The following HECA variants were observed in gnomAD, a reference collection of about 807,000 sequenced individuals.
HECA encodes headcase protein homolog.
In HECA, 13 loss-of-function variants were observed where a neutral mutation model predicts 37.6. The ratio of observed to expected loss-of-function variants is 0.35; its 90% CI spans 0.23 to 0.55. The LOEUF is 0.55. HECA is among the 20% of genes least tolerant of loss of function. The pLI is 0.90. For missense variants in HECA, 527 were observed against 701.9 expected (o/e 0.75, Z 2.82); for synonymous variants, 307 against 291.5 (o/e 1.05, Z -0.54).
At chr6:139,162,369 C>T (rs1421150464) in intron 1 of HECA, among the ~76,000 whole-genome samples, 1 of 152,068 alleles carries the variant, frequency 6.6e-6, no homozygotes. Context: ...TTTTTCATTT[C>T]ATTCTTCTGA....
chr6:139,165,251 T>TA (rs905829563), intron 1 of HECA, among the ~76,000 whole-genome samples: 1 of 152,162 alleles, frequency 6.6e-6, no homozygotes, highest in African/African-American at 2.4e-5. Flanking sequence ...TTTCTCATTT[T>TA]AAAAAAACAG....
intron 1 of HECA, among the ~76,000 whole-genome samples, chr6:139,141,895 G>T (rs544666100): frequency 1.9e-3 from 282 of 150,018 alleles, no homozygotes; most frequent in African/African-American, 6.8e-3. Context: ...TGGGACTACA[G>T]GCACATGCCA....
chr6:139,170,248 G>A (rs1774952694), intron 2 of HECA: 1 of 152,182 alleles, frequency 6.6e-6, no homozygotes, highest in South Asian at 2.1e-4. Context: ...ACAGATTATT[G>A]TCATGTAATC....
chr6:139,135,660 C>A lies in HECA; in HGVS notation c.264C>A (p.Ala88=). Reference sequence around the variant, plus strand: ...CGGGGGCTGCGGCCGCGGGCGATGCCAAAAACGGTAAGACGGGGCTGGCGG... The same window carrying A: ...CGGGGGCTGCGGCCGCGGGCGATGCAAAAAACGGTAAGACGGGGCTGGCGG... The part of the protein sequence containing the change: ...AAAGAAAAGD[A]KNEAPCATPL... Residue 88 remains alanine (A), a synonymous_variant, in exon 1 of 4, where the codon GCC becomes GCA. Coordinates refer to ENST00000367658, the MANE Select transcript of HECA (RefSeq NM_016217.3). 1.0e-6 allele frequency: 1 copy of A among 981,912 alleles called. No homozygotes were observed. Among genetic ancestry groups the A allele is most frequent in the Non-Finnish European group, 1.2e-6 (1 of 826,796 alleles). The allele number at this position is 981,912 out of a possible 1,614,324, so 60.8% of individuals were successfully genotyped here.
At chr6:139,162,552 T>A (rs1478055438) in intron 1 of HECA, among the ~76,000 whole-genome samples, 1 of 152,160 alleles carries the variant, frequency 6.6e-6, no homozygotes, top group Non-Finnish European at 1.5e-5. Flanking sequence ...AGTGGCTGAA[T>A]GGGATTTGGA....
Position 139,180,530 on chromosome 6 carries a change from G to T in HECA, c.*3425G>T, listed in dbSNP as rs1223801199. 1 of 152,588 alleles carries T rather than the reference G, an allele frequency of 6.6e-6. No individual in the cohort carries two copies. The highest frequency in any genetic ancestry group is 1.5e-5 in the Non-Finnish European group (1 of 68,032). The allele number at this position is 152,588 out of a possible 1,614,324, so 9.5% of individuals were successfully genotyped here. ...CTATAATAGGATGCTGCCTAACCCA[G>T]TTCATCTCTATGTCCTGTTCACTGA... On this transcript the variant is annotated 3_prime_UTR_variant, in exon 4 of 4. Coordinates refer to ENST00000367658, the MANE Select transcript of HECA (RefSeq NM_016217.3).
intron 1 of HECA, among the ~76,000 whole-genome samples, chr6:139,145,011 C>T (rs866036195): frequency 6.6e-6 from 1 of 152,128 alleles, no homozygotes; most frequent in African/African-American, 2.4e-5. Flanking sequence ...AGGGGCTTGT[C>T]CCTATGGTTT....
intron 1 of HECA, among the ~76,000 whole-genome samples, chr6:139,161,033 G>A (rs1003756401): frequency 6.6e-6 from 1 of 151,998 alleles, no homozygotes; most frequent in African/African-American, 2.4e-5. Context: ...TTTGGACAAT[G>A]TGTGTGTGTG....
chr6:139,141,281 T>G (rs533677932), intron 1 of HECA, among the ~76,000 whole-genome samples: 1 of 152,318 alleles, frequency 6.6e-6, no homozygotes, highest in Non-Finnish European at 1.5e-5. Context: ...ATTTTTTTTC[T>G]CACAAAACTT....
chr6:139,158,801 C>T (rs139819516), intron 1 of HECA, among the ~76,000 whole-genome samples: 89 of 152,270 alleles, frequency 5.8e-4, no homozygotes, highest in African/African-American at 2.1e-3. Context: ...GGGCCAGGCA[C>T]AGTGGCCCAT....
intron 1 of HECA, among the ~76,000 whole-genome samples, chr6:139,136,846 G>A (rs1046066045): frequency 6.6e-6 from 1 of 152,080 alleles, no homozygotes; most frequent in Non-Finnish European, 1.5e-5. Context: ...ATATTGGTCA[G>A]GCTGGTCTCG....
intron 1 of HECA, among the ~76,000 whole-genome samples, chr6:139,160,227 C>T (rs377736571): frequency 2.6e-5 from 4 of 152,158 alleles, no homozygotes; most frequent in African/African-American, 9.7e-5. Flanking sequence ...ACCTAAAATA[C>T]AGGCCTTGGA....
chr6:139,136,312 C>A (rs1267193686), intron 1 of HECA, among the ~76,000 whole-genome samples: 1 of 150,092 alleles, frequency 6.7e-6, no homozygotes, highest in Non-Finnish European at 1.5e-5. Flanking sequence ...AAAAATCATT[C>A]TCTATGTCAT....
At chr6:139,147,795 TC>T (rs1291271848) in intron 1 of HECA, among the ~76,000 whole-genome samples, 1 of 152,172 alleles carries the variant, frequency 6.6e-6, no homozygotes, top group Non-Finnish European at 1.5e-5. Flanking sequence ...AACTGGCACT[TC>T]CTGTTCTTAA....
chr6:139,147,169 T>C (rs1052158466), intron 1 of HECA, among the ~76,000 whole-genome samples: 1 of 152,092 alleles, frequency 6.6e-6, no homozygotes, highest in Non-Finnish European at 1.5e-5. Context: ...CCCCCATGCT[T>C]TATAGTTGGA....
chr6:139,171,215 G>C (rs1179718232), intron 2 of HECA, among the ~76,000 whole-genome samples: 1 of 151,872 alleles, frequency 6.6e-6, no homozygotes, highest in African/African-American at 2.4e-5. Context: ...AAGAGCTCTT[G>C]GATAGGAAGA....
intron 1 of HECA, among the ~76,000 whole-genome samples, chr6:139,147,263 G>A (rs993619036): frequency 1.3e-5 from 2 of 152,046 alleles, no homozygotes; most frequent in African/African-American, 4.8e-5. Flanking sequence ...TTAAAGGAGA[G>A]GACTGAAATT....
chr6:139,138,042 A>AC (rs34773047), intron 1 of HECA, among the ~76,000 whole-genome samples: 248 of 151,050 alleles, frequency 1.6e-3, no homozygotes, highest in African/African-American at 5.1e-3. Flanking sequence ...AATGTGAGGA[A>AC]CCCCCCCTCA....
chr6:139,151,292 A>T (rs1232310628), intron 1 of HECA: 1 of 152,214 alleles, frequency 6.6e-6, no homozygotes, highest in African/African-American at 2.4e-5. Context: ...AAAACAAAAG[A>T]GTGTAAAGAT....
Sources: allele counts gnomAD v4.1 joint callset (sites outside exome capture counted in the v4.1 genomes callset), GRCh38; gene constraint gnomAD v4.1.1; transcripts MANE v1.5; gene names NCBI Gene and HGNC (gene_info 2026-07-23, HGNC 2026-07-21).